EIF4G3: variants seen among roughly 807,000 people sequenced by gnomAD.
EIF4G3 encodes eIF-4-gamma 3.
In EIF4G3, 34 loss-of-function variants were observed where a neutral mutation model predicts 186.4. The observed-to-expected ratio is 0.18, with a 90% CI of 0.14 to 0.24. The LOEUF (loss-of-function observed/expected upper bound fraction) is 0.24, where lower values mean the gene tolerates loss of function less well. Ranked by LOEUF, EIF4G3 falls within the 10% of genes least tolerant of loss-of-function variation. The pLI, the probability that EIF4G3 is intolerant of heterozygous loss-of-function variation, is 1.00. For synonymous variants in EIF4G3, 673 were observed against 679.5 expected (o/e 0.99, Z 0.15); for missense variants, 1,536 against 1,948.5 (o/e 0.79, Z 3.99).
chr1:21,129,261 G>A (rs1467755823), intron 2 of EIF4G3, among the ~76,000 whole-genome samples: 2 of 151,630 alleles, frequency 1.3e-5, no homozygotes, highest in African/African-American at 4.8e-5. Context: ...GTTGCGGTAA[G>A]CCTAGATTGC....
At chr1:20,976,974 G>C (rs12758756) in intron 10 of EIF4G3, among the ~76,000 whole-genome samples, 1 of 151,724 alleles carries the variant, frequency 6.6e-6, no homozygotes. Flanking sequence ...TAATGAAATA[G>C]AAAGATGCCC....
At chr1:21,145,436 T>C (rs1474220971) in intron 2 of EIF4G3, among the ~76,000 whole-genome samples, 1 of 141,438 alleles carries the variant, frequency 7.1e-6, no homozygotes, top group African/African-American at 2.6e-5. Flanking sequence ...ATTTTATGCC[T>C]TTTTTTTTTT....
intron 2 of EIF4G3, among the ~76,000 whole-genome samples, chr1:21,113,599 C>T: frequency 6.6e-6 from 1 of 152,076 alleles, no homozygotes; most frequent in East Asian, 1.9e-4. Context: ...CTGGTCTATA[C>T]TGCATTTTAA....
intron 22 of EIF4G3, among the ~76,000 whole-genome samples, chr1:20,863,937 C>A (rs771778908): frequency 6.6e-6 from 1 of 152,118 alleles, no homozygotes; most frequent in Non-Finnish European, 1.5e-5. Context: ...TTGTATAAAC[C>A]ACTGGGTTTT....
intron 2 of EIF4G3, among the ~76,000 whole-genome samples, chr1:21,146,175 G>A (rs1461500246): frequency 9.2e-5 from 14 of 152,104 alleles, no homozygotes; most frequent in Non-Finnish European, 1.9e-4. Flanking sequence ...GCAACATAGT[G>A]AGACCCAGTC....
intron 2 of EIF4G3, among the ~76,000 whole-genome samples, chr1:21,099,563 G>A (rs1279596259): frequency 6.6e-6 from 1 of 152,196 alleles, no homozygotes; most frequent in East Asian, 1.9e-4. Context: ...CTGAGGGAGT[G>A]CTAGACTCAA....
At chr1:20,871,963 A>T (rs768787834) in intron 20 of EIF4G3, among the ~76,000 whole-genome samples, 36 of 152,056 alleles carry the variant, frequency 2.4e-4, no homozygotes, top group Middle Eastern at 3.2e-3. Flanking sequence ...AGCTGGCGTG[A>T]TAGGCATGCG....
chr1:21,131,724 G>A (rs7525438), intron 2 of EIF4G3, among the ~76,000 whole-genome samples: 56,263 of 151,994 alleles, frequency 0.37, 11,046 homozygotes, highest in Non-Finnish European at 0.43. Flanking sequence ...GCTCACACCT[G>A]TAATCCCAGC....
Position 21,015,075 on chromosome 1 carries a change from A to C in EIF4G3, c.-66-12267T>G, listed in dbSNP as rs369930905. Among the ~76,000 whole-genome samples the C allele has an allele frequency of 2.2e-4, 33 of 151,086 alleles. No individual in the cohort carries two copies. The East Asian group carries it at 6.5e-3, about 30-fold the overall frequency. ...AACAAAGAGATAGAAATAGTTTAAA[A>C]AAAAAAGGAGGGGGGGAAGAAAAGA... On this transcript the variant is annotated intron_variant, in intron 4 of 36. Transcript: ENST00000602326.
intron 4 of EIF4G3, among the ~76,000 whole-genome samples, chr1:21,007,550 CA>C (rs1234253928): frequency 1.3e-4 from 6 of 45,412 alleles, no homozygotes; most frequent in Admixed American, 2.7e-4. Context: ...CACTCAAAAA[CA>C]AAAAAACTGG....
chr1:20,857,674 A>G (rs1047000336), intron 24 of EIF4G3, among the ~76,000 whole-genome samples, 177 bp from the exon 25 acceptor site: 1 of 152,218 alleles, frequency 6.6e-6, no homozygotes, highest in African/African-American at 2.4e-5. Context: ...CTGTATCAGC[A>G]GAAGCACCCT....
intron 4 of EIF4G3, among the ~76,000 whole-genome samples, chr1:21,015,169 AATAAC>A (rs1187187361): frequency 6.6e-6 from 1 of 152,202 alleles, no homozygotes; most frequent in Non-Finnish European, 1.5e-5. Flanking sequence ...AGCAGTCTCT[AATAAC>A]AGAACAAAGA....
intron 30 of EIF4G3, among the ~76,000 whole-genome samples, chr1:20,833,258 C>T (rs1445695491): frequency 6.6e-6 from 1 of 150,600 alleles, no homozygotes; most frequent in African/African-American, 2.4e-5. Flanking sequence ...GAATGTTCTT[C>T]CATTTGTTTG....
At chr1:20,820,268 G>C (rs2062005097) in intron 33 of EIF4G3, among the ~76,000 whole-genome samples, 1 of 152,224 alleles carries the variant, frequency 6.6e-6, no homozygotes, top group Admixed American at 6.5e-5. Context: ...AGCAGGCAGG[G>C]GACGGGAAAA....
At chr1:20,969,096 T>TTTGGTAAA (rs1256632535) in intron 12 of EIF4G3, among the ~76,000 whole-genome samples, 11 of 152,338 alleles carry the variant, frequency 7.2e-5, no homozygotes, top group African/African-American at 2.6e-4. Context: ...TTCTCAACCT[T>TTTGGTAAA]AATGTTTGCG....
intron 14 of EIF4G3, among the ~76,000 whole-genome samples, chr1:20,939,915 C>T (rs2154562165): frequency 7.4e-6 from 1 of 135,802 alleles, no homozygotes; most frequent in Non-Finnish European, 1.5e-5. Flanking sequence ...AGTGTGGCGG[C>T]ACGATCTTGG....
At chr1:20,904,518 T>C (rs2091473001) in intron 15 of EIF4G3, among the ~76,000 whole-genome samples, 1 of 152,142 alleles carries the variant, frequency 6.6e-6, no homozygotes, top group African/African-American at 2.4e-5. Context: ...GCTAGTATTT[T>C]AAAACATTTT....
At chr1:21,097,049 T>A (rs1235286069) in intron 2 of EIF4G3, among the ~76,000 whole-genome samples, 1 of 152,196 alleles carries the variant, frequency 6.6e-6, no homozygotes, top group Non-Finnish European at 1.5e-5. Flanking sequence ...AAATATTGTG[T>A]TATGTATACT....
chr1:20,882,338 G>A (rs2082647464), intron 19 of EIF4G3, among the ~76,000 whole-genome samples: 1 of 152,068 alleles, frequency 6.6e-6, no homozygotes, highest in African/African-American at 2.4e-5. Context: ...AAATTTTTAG[G>A]CCCAGGAGCA....
Sources: gnomAD v4.1 joint callset for allele counts (sites outside exome capture counted in the v4.1 genomes callset) on GRCh38, gnomAD v4.1.1 for gene constraint, MANE v1.5 for transcripts, NCBI Gene and HGNC (gene_info 2026-07-23, HGNC 2026-07-21) for gene names.